The following MPPED1 variants were observed in gnomAD, a reference collection of about 807,000 sequenced individuals.
MPPED1 encodes metallophosphoesterase domain containing 1.
In MPPED1, 16 loss-of-function variants were observed where a neutral mutation model predicts 36.2. The observed-to-expected ratio is 0.44, with a 90% CI of 0.30 to 0.67. MPPED1 has a LOEUF of 0.67. Ranked by LOEUF, MPPED1 falls within the 30% of genes least tolerant of loss-of-function variation. MPPED1 has a pLI of 0.10. For missense variants in MPPED1, 307 were observed against 453.4 expected (o/e 0.68, Z 2.93); for synonymous variants, 199 against 191.3 (o/e 1.04, Z -0.33).
chr22:43,428,869 G>A (rs143767712), intron 2 of MPPED1, among the ~76,000 whole-genome samples: 113 of 152,160 alleles, frequency 7.4e-4, no homozygotes, highest in Admixed American at 3.3e-3. Context: ...CTTCTGCTCT[G>A]GGTGGGTAGG....
chr22:43,418,605 T>C (rs1394863370), intron 1 of MPPED1: 1 of 168,524 alleles, frequency 5.9e-6, no homozygotes, highest in African/African-American at 2.4e-5. Flanking sequence ...AATAGAGTTC[T>C]GAGGAGGTCT....
chr22:43,422,280 A>G (rs1340066018), intron 1 of MPPED1, among the ~76,000 whole-genome samples: 1 of 152,224 alleles, frequency 6.6e-6, no homozygotes, highest in Non-Finnish European at 1.5e-5. Flanking sequence ...CATTTGTCAA[A>G]CATGAGACAT....
At position 43,474,903 on chromosome 22, in the gene MPPED1, A is replaced by G. The variant is rs780447019; in HGVS notation, c.574A>G (p.Ile192Val). The change falls in exon 4 of 7, where the codon ATC becomes GTC. Residue 192 changes from isoleucine (I) to valine (V), a missense_variant. By Grantham distance (29) the Ile-to-Val change is conservative. Around this residue, in one of 3 missense-constraint regions of MPPED1, gnomAD observed 132 missense variants for 212.3 expected, o/e 0.62. Transcript: ENST00000443721. This position sits in a 1 kb window ranked among gnomAD's most constrained non-coding sequence, Gnocchi z 5.2. ...ENVQSLLTNC[I>V]YLQDSEVTVR... ...TGTGCAGTCGCTGCTGACCAACTGCATCTACCTTCAGGACTCGGAGGTCAC... is the reference window on the plus strand; with the variant it reads ...TGTGCAGTCGCTGCTGACCAACTGCGTCTACCTTCAGGACTCGGAGGTCAC... The G allele has an allele frequency of 3.7e-6, 6 of 1,613,986 alleles. No homozygotes were observed. Among genetic ancestry groups the G allele is most frequent in the Non-Finnish European group, 5.1e-6 (6 of 1,179,892 alleles).
intron 3 of MPPED1, among the ~76,000 whole-genome samples, chr22:43,447,278 C>T (rs1333099199): frequency 2.6e-5 from 4 of 152,288 alleles, no homozygotes; most frequent in South Asian, 2.1e-4. Flanking sequence ...TGCTTTTTCT[C>T]TCTTTTCACA....
chr22:43,469,534 G>GT (rs1931294773), intron 3 of MPPED1, among the ~76,000 whole-genome samples: 1 of 12,074 alleles, frequency 8.3e-5, no homozygotes, highest in Non-Finnish European at 2.0e-4. Flanking sequence ...AACAACAGAG[G>GT]TGGCAGCCCT....
intron 1 of MPPED1, among the ~76,000 whole-genome samples, chr22:43,423,474 AT>A (rs1001308386): frequency 9.9e-5 from 15 of 152,076 alleles, no homozygotes; most frequent in African/African-American, 1.7e-4. Flanking sequence ...GAAAAGGGAG[AT>A]TTTTTTCCCC....
chr22:43,451,196 T>G (rs562635704), intron 3 of MPPED1, among the ~76,000 whole-genome samples: 99 of 145,628 alleles, frequency 6.8e-4, no homozygotes, highest in African/African-American at 2.7e-3. Context: ...TAATAGAGAC[T>G]GGGTTTCACG....
intron 3 of MPPED1, among the ~76,000 whole-genome samples, chr22:43,443,529 G>A (rs1053990849): frequency 6.6e-6 from 1 of 152,164 alleles, no homozygotes; most frequent in African/African-American, 2.4e-5. Flanking sequence ...TGCTGGTGGG[G>A]TATGAAGTTA....
chr22:43,443,162 C>A (rs1447453272), intron 3 of MPPED1, among the ~76,000 whole-genome samples: 1 of 152,164 alleles, frequency 6.6e-6, no homozygotes, highest in Non-Finnish European at 1.5e-5. Context: ...GGGGAAGGCC[C>A]CCCTGGGAGG....
chr22:43,424,795 GT>G (rs1213413335), intron 1 of MPPED1, 112 bp from the exon 2 acceptor site: 59 of 1,320,678 alleles, frequency 4.5e-5, no homozygotes, highest in Middle Eastern at 2.8e-4. Context: ...GTACGACTGT[GT>G]TTTTTTTTCC....
chr22:43,435,000 G>C, intron 2 of MPPED1, 34 bp from the exon 3 acceptor site: 2 of 1,602,992 alleles, frequency 1.2e-6, no homozygotes, highest in Non-Finnish European at 1.7e-6. Context: ...CGGCTCCATG[G>C]CCTCCTGATC....
intron 3 of MPPED1, among the ~76,000 whole-genome samples, chr22:43,449,212 AAGTTTAC>A (rs1930470650): frequency 6.6e-6 from 1 of 152,118 alleles, no homozygotes; most frequent in Non-Finnish European, 1.5e-5. Context: ...TTCTGGACAG[AAGTTTAC>A]AGTTTACAGG....
intron 1 of MPPED1, among the ~76,000 whole-genome samples, chr22:43,423,723 G>A (rs531862304): frequency 4.6e-5 from 7 of 152,232 alleles, no homozygotes; most frequent in South Asian, 4.2e-4. Flanking sequence ...TCTTCCAAGC[G>A]CAAAGCAAAG....
chr22:43,467,605 G>A (rs565648129), intron 3 of MPPED1, among the ~76,000 whole-genome samples: 85 of 152,312 alleles, frequency 5.6e-4, no homozygotes, highest in African/African-American at 2.0e-3. Flanking sequence ...GCGCCATACC[G>A]AGAAGTCTGC....
At chr22:43,500,825 G>A (rs1033260552) in intron 5 of MPPED1, among the ~76,000 whole-genome samples, 6 of 152,096 alleles carry the variant, frequency 3.9e-5, no homozygotes, top group African/African-American at 1.4e-4. Flanking sequence ...GAAGCTTGAG[G>A]AGTCAGGAGA....
chr22:43,452,859 G>T (rs1328674847), intron 3 of MPPED1, among the ~76,000 whole-genome samples: 4 of 151,938 alleles, frequency 2.6e-5, no homozygotes, highest in African/African-American at 9.7e-5. Context: ...AAACTCCTGG[G>T]CTCAAGCAGT....
chr22:43,416,764 G>A (rs1185295400), intron 1 of MPPED1: 5 of 153,568 alleles, frequency 3.3e-5, no homozygotes, highest in Non-Finnish European at 5.8e-5. Context: ...TATTATTTAT[G>A]TGATCGCTGA....
intron 3 of MPPED1, among the ~76,000 whole-genome samples, chr22:43,459,162 C>A (rs1930857819): frequency 6.6e-6 from 1 of 152,096 alleles, no homozygotes. Flanking sequence ...GCAACCTCTG[C>A]CTCCCAGGTT....
At chr22:43,465,553 G>T (rs1044364255) in intron 3 of MPPED1, among the ~76,000 whole-genome samples, 2 of 152,212 alleles carry the variant, frequency 1.3e-5, no homozygotes, top group African/African-American at 4.8e-5. Flanking sequence ...GGGCTCCCAG[G>T]GTGCTGGGGA....
Sources: gnomAD v4.1 joint callset for allele counts (sites outside exome capture counted in the v4.1 genomes callset) on GRCh38, gnomAD v4.1.1 for gene constraint, gnomAD v4.1.1 regional missense constraint, Gnocchi (gnomAD v3.1) non-coding constraint, MANE v1.5 for transcripts, NCBI Gene and HGNC (gene_info 2026-07-23, HGNC 2026-07-21) for gene names.